The following PCDHGA3 variants were observed in gnomAD, a reference collection of about 807,000 sequenced individuals.
PCDHGA3 encodes the protein protocadherin gamma subfamily A, 3.
A neutral mutation model predicts 58.5 loss-of-function variants in PCDHGA3; 40 were observed. That is an observed-to-expected ratio of 0.68 (90% CI 0.53 to 0.89). PCDHGA3 has a LOEUF of 0.89. PCDHGA3 is among the 40% of genes least tolerant of loss of function. The pLI, the probability that PCDHGA3 is intolerant of heterozygous loss-of-function variation, is 0.00. For synonymous variants in PCDHGA3, 530 were observed against 525.7 expected, an observed-to-expected ratio of 1.01 and a Z score of -0.11; for missense variants, 1,223 against 1,195.9, an observed-to-expected ratio of 1.02 and a Z score of -0.33.
chr5:141,508,507 TGGTCCAGCCCAACCTCAG>T (rs1377043623), intron 3 of PCDHGA3, among the ~76,000 whole-genome samples: 1 of 152,178 alleles, frequency 6.6e-6, no homozygotes, highest in Non-Finnish European at 1.5e-5. Flanking sequence ...CTCTCCCTCC[TGGTCCAGCCCAACCTCAG>T]GGCACCCCCC....
intron 1 of PCDHGA3, among the ~76,000 whole-genome samples, chr5:141,482,442 C>T (rs942933015): frequency 1.4e-5 from 2 of 147,678 alleles, no homozygotes; most frequent in Non-Finnish European, 3.0e-5. Flanking sequence ...CTGATATTCA[C>T]CATTTATTAG....
chr5:141,360,951 C>T (rs1413574595), intron 1 of PCDHGA3: 2 of 1,613,942 alleles, frequency 1.2e-6, no homozygotes, highest in Admixed American at 1.7e-5. Flanking sequence ...GGGATGAAGG[C>T]ATAAACGCAG....
intron 1 of PCDHGA3, chr5:141,416,811 A>C (rs1355425793): frequency 2.6e-5 from 4 of 152,188 alleles, no homozygotes; most frequent in Non-Finnish European, 5.9e-5. Context: ...AAAGTCAAAA[A>C]GCATTCCGAA....
In PCDHGA3 at chr5:141,345,886, C is replaced by A; in HGVS notation, c.1853C>A (p.Ser618Ter). Reference sequence around the variant, plus strand: ...AAGGCCAGCGAGCCGGGACTCTTCTCGGTGGGTCTGCACACGGGCGAGGTG... The same window carrying A: ...AAGGCCAGCGAGCCGGGACTCTTCTAGGTGGGTCTGCACACGGGCGAGGTG... ...LLKASEPGLFSVGLHTGEVRT... is the reference protein window; with the variant it reads ...LLKASEPGLF The change falls in exon 1 of 4, where the codon TCG (serine) becomes TAG (stop). Residue 618 changes from serine to a stop codon, truncating the protein, a stop_gained. Coordinates refer to ENST00000253812, the MANE Select transcript of PCDHGA3 (RefSeq NM_018916.4). LOFTEE classifies it high-confidence loss of function. The A allele has an allele frequency of 6.2e-7, 1 of 1,613,424 alleles. No individual in the cohort carries two copies. The highest frequency in any genetic ancestry group is 8.5e-7 in the Non-Finnish European group (1 of 1,179,886).
chr5:141,360,064 C>T (rs769109998), intron 1 of PCDHGA3: 18 of 1,462,328 alleles, frequency 1.2e-5, no homozygotes, highest in Non-Finnish European at 1.5e-5. Context: ...GGAAAAGTGA[C>T]CTTAGCCCGG....
chr5:141,422,106 C>G (rs763336868), intron 1 of PCDHGA3: 1 of 1,607,266 alleles, frequency 6.2e-7, no homozygotes, highest in Admixed American at 1.7e-5. Flanking sequence ...CTGAAATATT[C>G]CAATTGGATT....
At position 141,404,691 on chromosome 5, in the gene PCDHGA3, G is replaced by A. The variant is rs200601931; in HGVS notation, c.2424+58234G>A. ...TCTACTGGTGTGGAGCTGGCACCCC[G>A]CTCTGCAGAGCCTGGCTACCTGGTG... is the stretch of plus-strand genomic sequence containing the variant. On this transcript the variant is annotated intron_variant, in intron 1 of 3. Transcript: ENST00000253812. 1.4e-5 allele frequency: 22 copies of A among 1,613,996 alleles called. No individual in the cohort carries two copies. The East Asian group carries it at 3.8e-4, about 28-fold the overall frequency.
chr5:141,404,919 C>T, intron 1 of PCDHGA3: 1 of 1,613,924 alleles, frequency 6.2e-7, no homozygotes, highest in Non-Finnish European at 8.5e-7. Context: ...CCTCTCTCGG[C>T]CACTGTCACG....
At chr5:141,494,644 G>A in intron 1 of PCDHGA3, 163 bp from the exon 2 acceptor site, 1 of 933,684 alleles carries the variant, frequency 1.1e-6, no homozygotes. Flanking sequence ...TGAGACCTGA[G>A]GTGTATTTTG....
intron 1 of PCDHGA3, chr5:141,421,172 G>A: frequency 7.3e-7 from 1 of 1,366,164 alleles, no homozygotes; most frequent in Non-Finnish European, 9.8e-7. Context: ...AGATACATAA[G>A]CCGATTCACA....
rs370925586 is a variant in PCDHGA3, at chr5:141,346,323, C to A, written c.2290C>A (p.Arg764=). The stretch of plus-strand genomic sequence containing the variant: ...CGAGGTCTCCCTCACTGCGGACTCG[C>A]GGAAGAGCCACCTGATTTTCCCCCA... ...SHEVSLTADS[R]KSHLIFPQPN... Residue 764 remains arginine (R), a synonymous_variant, in exon 1 of 4, where the codon CGG becomes AGG. Transcript: ENST00000253812. 1,499 of 1,614,178 alleles carry A rather than the reference C, an allele frequency of 9.3e-4. No individual in the cohort carries two copies. Among genetic ancestry groups the A allele is most frequent in the Non-Finnish European group, 1.2e-3 (1,436 of 1,180,010 alleles).
chr5:141,421,389 G>T (rs200646513), intron 1 of PCDHGA3: 1 of 1,613,934 alleles, frequency 6.2e-7, no homozygotes, highest in African/African-American at 1.3e-5. Context: ...AGGACCTGGG[G>T]CTGGAGCCCC....
At chr5:141,372,062 C>G (rs1768364404) in intron 1 of PCDHGA3, 2 of 1,613,470 alleles carry the variant, frequency 1.2e-6, no homozygotes, top group South Asian at 2.2e-5. Flanking sequence ...ACGACCGCAA[C>G]GACAATGCAC....
intron 1 of PCDHGA3, chr5:141,415,217 GCTTCGAGTCT>G: frequency 2.5e-6 from 4 of 1,614,124 alleles, no homozygotes; most frequent in Non-Finnish European, 3.4e-6. Context: ...GACCTCGGCA[GCTTCGAGTCT>G]CCAGCTAACT....
chr5:141,357,315 G>A (rs983048420), intron 1 of PCDHGA3: 9 of 1,614,088 alleles, frequency 5.6e-6, no homozygotes, highest in Non-Finnish European at 7.6e-6. Context: ...GCGTCTTCCT[G>A]GCTTTTGTCA....
intron 1 of PCDHGA3, chr5:141,441,671 C>A (rs1027440120): frequency 7.0e-6 from 2 of 287,530 alleles, no homozygotes; most frequent in South Asian, 2.9e-5. Flanking sequence ...GCGCACAGTG[C>A]GCCTTCGACC....
Position 141,409,074 on chromosome 5 carries a change from T to C in PCDHGA3, c.2424+62617T>C, listed in dbSNP as rs375843119. The C allele has an allele frequency of 4.3e-5, 69 of 1,613,884 alleles. No homozygotes were observed. Among genetic ancestry groups the C allele is most frequent in the South Asian group, 2.4e-4 (22 of 91,084 alleles). On this transcript the variant is annotated intron_variant, in intron 1 of 3. Coordinates refer to ENST00000253812, the MANE Select transcript of PCDHGA3 (RefSeq NM_018916.4). The stretch of plus-strand genomic sequence containing the variant: ...AGCACTGCCCAGAGCACAAAACATA[T>C]GTTCTCATTGGATGAGAAAACAGGT...
rs764457879 is a variant in PCDHGA3 at position 141,356,426 on chromosome 5, C to T, written c.2424+9969C>T. The T allele has an allele frequency of 7.5e-6, 12 of 1,607,618 alleles. No individual in the cohort carries two copies. The African/African-American group carries it at 1.6e-4, about 21-fold the overall frequency. On this transcript the variant is annotated intron_variant, in intron 1 of 3. Coordinates refer to ENST00000253812, the MANE Select transcript of PCDHGA3 (RefSeq NM_018916.4). ...TATTATCGGTTGTTGACACACAGAA[C>T]ACTGGACAGGGAAGAAGTCTCAGAA...
chr5:141,422,117 C>A, intron 1 of PCDHGA3: 1 of 1,604,272 alleles, frequency 6.2e-7, no homozygotes, highest in East Asian at 2.2e-5. Context: ...CAATTGGATT[C>A]ACAAACTGGA....
Sources: allele counts gnomAD v4.1 joint callset (sites outside exome capture counted in the v4.1 genomes callset), GRCh38; gene constraint gnomAD v4.1.1; transcripts MANE v1.5; gene names NCBI Gene and HGNC (gene_info 2026-07-23, HGNC 2026-07-21).